CNTN5: variants seen among roughly 807,000 people sequenced by gnomAD.
CNTN5 encodes contactin 5.
In CNTN5, 77 loss-of-function variants were observed where a neutral mutation model predicts 129.1. That is an observed-to-expected ratio of 0.60 (90% CI 0.50 to 0.72). CNTN5 has a LOEUF of 0.72. Among genes scored for constraint, CNTN5 ranks in the 30% least tolerant of loss-of-function variants. The pLI is 0.00. For synonymous variants in CNTN5, 509 were observed against 465.6 expected (o/e 1.09, Z -1.20); for missense variants, 1,478 against 1,328.8 (o/e 1.11, Z -1.75).
At chr11:99,880,069 T>C (rs1948732274) in intron 6 of CNTN5, among the ~76,000 whole-genome samples, 1 of 152,250 alleles carries the variant, frequency 6.6e-6, no homozygotes, top group African/African-American at 2.4e-5. Context: ...ATTCTTGAAC[T>C]AATGCCAGAT....
intron 13 of CNTN5, among the ~76,000 whole-genome samples, chr11:100,116,472 A>G (rs542645282): frequency 6.6e-6 from 1 of 151,954 alleles, no homozygotes; most frequent in South Asian, 2.1e-4. Flanking sequence ...ATATTCAGGT[A>G]TCACTGATTA....
intron 17 of CNTN5, among the ~76,000 whole-genome samples, chr11:100,259,693 C>A (rs1273065730): frequency 6.6e-6 from 1 of 152,064 alleles, no homozygotes; most frequent in Non-Finnish European, 1.5e-5. Context: ...TCCTGAATGA[C>A]TACTGGGTAA....
intron 6 of CNTN5, among the ~76,000 whole-genome samples, chr11:99,899,230 G>C (rs1043627637): frequency 2.6e-5 from 4 of 151,794 alleles, no homozygotes; most frequent in African/African-American, 9.7e-5. Context: ...TTTCTCTTAC[G>C]TGATAGCTCT....
chr11:100,200,439 C>A (rs1169869420), intron 15 of CNTN5, among the ~76,000 whole-genome samples: 1 of 151,878 alleles, frequency 6.6e-6, no homozygotes, highest in Non-Finnish European at 1.5e-5. Flanking sequence ...GTATACAGAG[C>A]ATTTTTATTA....
chr11:99,804,560 T>A (rs978848212), intron 3 of CNTN5, among the ~76,000 whole-genome samples: 1 of 151,640 alleles, frequency 6.6e-6, no homozygotes, highest in African/African-American at 2.4e-5. Context: ...TAAAGTATGA[T>A]ATTACATTTA....
intron 1 of CNTN5, among the ~76,000 whole-genome samples, chr11:99,140,036 TAAAC>T (rs983219863): frequency 1.3e-5 from 2 of 152,296 alleles, no homozygotes; most frequent in East Asian, 1.9e-4. Context: ...ATAGTTTTCT[TAAAC>T]AACATTAATT....
chr11:100,021,067 A>T (rs1168558633), intron 9 of CNTN5, among the ~76,000 whole-genome samples: 5 of 152,058 alleles, frequency 3.3e-5, no homozygotes, highest in African/African-American at 9.7e-5. Context: ...TATTTTATGA[A>T]TTTTTTTAAA....
chr11:99,836,468 A>G lies in CNTN5; in HGVS notation c.278-8384A>G, dbSNP rs1203314446. Among the ~76,000 whole-genome samples the G allele has an allele frequency of 4.7e-4, 72 of 152,126 alleles. 1 individual carries two copies. The East Asian group carries it at 0.011, about 24-fold the overall frequency. On this transcript the variant is annotated intron_variant, in intron 4 of 24. Coordinates refer to ENST00000524871, the MANE Select transcript of CNTN5 (RefSeq NM_014361.4). Reference sequence around the variant, plus strand: ...TCATCCATGTCCCTACAAAGGACATAAACTCATCCTTTTTTATGGCTGCAC... The same window carrying G: ...TCATCCATGTCCCTACAAAGGACATGAACTCATCCTTTTTTATGGCTGCAC...
At chr11:100,282,929 T>C (rs1000665666) in intron 18 of CNTN5, among the ~76,000 whole-genome samples, 1 of 151,902 alleles carries the variant, frequency 6.6e-6, no homozygotes, top group African/African-American at 2.4e-5. Context: ...GCCCAAGGTC[T>C]CTTAAGTTAG....
intron 15 of CNTN5, among the ~76,000 whole-genome samples, chr11:100,212,915 A>G (rs1416364031): frequency 6.6e-6 from 1 of 152,118 alleles, no homozygotes; most frequent in Non-Finnish European, 1.5e-5. Context: ...ATCTTGGAAG[A>G]TGTTTCAGTC....
At chr11:99,455,959 GC>G in intron 2 of CNTN5, among the ~76,000 whole-genome samples, 1 of 151,974 alleles carries the variant, frequency 6.6e-6, no homozygotes, top group East Asian at 1.9e-4. Context: ...TCTACCTATT[GC>G]CCATAAGTAG....
At chr11:99,946,953 A>G (rs1204832044) in intron 7 of CNTN5, among the ~76,000 whole-genome samples, 1 of 151,920 alleles carries the variant, frequency 6.6e-6, no homozygotes, top group Non-Finnish European at 1.5e-5. Context: ...TTTCAAGATT[A>G]TGAAATTAAT....
intron 7 of CNTN5, among the ~76,000 whole-genome samples, chr11:99,934,908 A>C (rs373911197): frequency 2.1e-5 from 1 of 46,944 alleles, no homozygotes; most frequent in Non-Finnish European, 4.7e-5. Context: ...GTATATATAT[A>C]TATATATATA....
chr11:99,705,416 CCATGCCTA>C (rs1954712428), intron 3 of CNTN5, among the ~76,000 whole-genome samples: 1 of 151,300 alleles, frequency 6.6e-6, no homozygotes, highest in Non-Finnish European at 1.5e-5. Flanking sequence ...AGAAAAGACT[CCATGCCTA>C]CATGCCCCTG....
chr11:99,081,251 C>A (rs191385411), intron 1 of CNTN5, among the ~76,000 whole-genome samples: 1 of 152,036 alleles, frequency 6.6e-6, no homozygotes, highest in Non-Finnish European at 1.5e-5. Flanking sequence ...GCAGCCTCTT[C>A]GATATGTTTA....
chr11:99,474,786 G>T lies in CNTN5; in HGVS notation c.-70-81359G>T, dbSNP rs191310876. The stretch of plus-strand genomic sequence containing the variant: ...ATCTATTTTTAGGTTTCCACATTTG[G>T]TTTTCACCATTAATACACTCTTTCT... On this transcript the variant is annotated intron_variant, in intron 2 of 24. Transcript: ENST00000524871. 6.8e-3 allele frequency among the ~76,000 whole-genome samples: 1,033 copies of T among 152,030 alleles called. 16 individuals carry two copies. Among genetic ancestry groups the T allele is most frequent in the African/African-American group, 0.023 (962 of 41,494 alleles).
At chr11:99,469,379 T>A (rs570050699) in intron 2 of CNTN5, among the ~76,000 whole-genome samples, 1 of 152,160 alleles carries the variant, frequency 6.6e-6, no homozygotes, top group African/African-American at 2.4e-5. Context: ...TTTCTTACAG[T>A]CCGTAGAGAT....
chr11:99,049,054 T>C (rs975452253), intron 1 of CNTN5, among the ~76,000 whole-genome samples: 3 of 152,176 alleles, frequency 2.0e-5, no homozygotes, highest in East Asian at 1.9e-4. Flanking sequence ...AAACATGGTA[T>C]AGTATATGCC....
At chr11:100,163,652 T>A (rs901444108) in intron 13 of CNTN5, among the ~76,000 whole-genome samples, 1 of 151,866 alleles carries the variant, frequency 6.6e-6, no homozygotes, top group African/African-American at 2.4e-5. Flanking sequence ...ACACACTTCT[T>A]GTTTCTGCTG....
Sources: allele counts gnomAD v4.1 joint callset (sites outside exome capture counted in the v4.1 genomes callset), GRCh38; gene constraint gnomAD v4.1.1; transcripts MANE v1.5; gene names NCBI Gene and HGNC (gene_info 2026-07-23, HGNC 2026-07-21).